Variants in RBFOX1 observed in about 807,000 individuals in gnomAD.
The protein encoded by RBFOX1 is RNA binding fox-1 homolog 1, also known as RNA binding protein fox-1 homolog 1.
In RBFOX1, 8 loss-of-function variants were observed where a neutral mutation model predicts 57.7. The ratio of observed to expected loss-of-function variants is 0.14; its 90% CI spans 0.08 to 0.25. RBFOX1 has a LOEUF of 0.25. RBFOX1 is among the 10% of genes least tolerant of loss of function. The pLI is 1.00. For synonymous variants in RBFOX1, 326 were observed against 222.4 expected (o/e 1.47, Z -4.15); for missense variants, 611 against 548.5 (o/e 1.11, Z -1.14).
intron 13 of RBFOX1, among the ~76,000 whole-genome samples, chr16:7,667,381 C>T (rs1164347074): frequency 2.0e-5 from 3 of 152,172 alleles, no homozygotes; most frequent in Non-Finnish European, 4.4e-5. Context: ...GAACAAGATT[C>T]ATCCTAGCTA....
chr16:7,289,535 C>A (rs1394316013), intron 4 of RBFOX1, among the ~76,000 whole-genome samples: 1 of 152,052 alleles, frequency 6.6e-6, no homozygotes, highest in Non-Finnish European at 1.5e-5. Context: ...ACCATTATCA[C>A]CATCAGCATC....
intron 1 of RBFOX1, among the ~76,000 whole-genome samples, chr16:6,199,581 A>C (rs1276473312): frequency 1.3e-5 from 2 of 152,168 alleles, no homozygotes; most frequent in East Asian, 3.9e-4. Context: ...AAAGGTCTTT[A>C]ATCTGTTTAA....
chr16:7,344,906 G>A (rs1331671630), intron 4 of RBFOX1, among the ~76,000 whole-genome samples: 2 of 152,162 alleles, frequency 1.3e-5, no homozygotes, highest in Non-Finnish European at 1.5e-5. Context: ...AGGCTAATGC[G>A]ATATTGTGCC....
intron 4 of RBFOX1, among the ~76,000 whole-genome samples, chr16:7,327,471 T>C (rs1338492075): frequency 6.6e-6 from 1 of 152,234 alleles, no homozygotes; most frequent in African/African-American, 2.4e-5. Flanking sequence ...AATTACATAA[T>C]CTGCACAAAT....
intron 2 of RBFOX1, among the ~76,000 whole-genome samples, chr16:6,416,692 T>C (rs1166828454): frequency 6.6e-6 from 1 of 152,152 alleles, no homozygotes; most frequent in Admixed American, 6.5e-5. Flanking sequence ...TCCACGCCCA[T>C]GTTACTGCTG....
At chr16:6,617,626 A>T (rs34842390) in intron 2 of RBFOX1, among the ~76,000 whole-genome samples, 26,861 of 152,032 alleles carry the variant, frequency 0.18, 2,964 homozygotes, top group Middle Eastern at 0.24. Flanking sequence ...AATGCTTTGC[A>T]TGTGTTCCAG....
At chr16:5,332,500 G>A (rs767106016) in intron 1 of RBFOX1, among the ~76,000 whole-genome samples, 3 of 152,098 alleles carry the variant, frequency 2.0e-5, no homozygotes, top group Non-Finnish European at 4.4e-5. Context: ...CTGGCCTCAT[G>A]TGATCTGCCT....
At chr16:7,155,712 A>AATATATAT (rs1186735495) in intron 4 of RBFOX1, among the ~76,000 whole-genome samples, 13 of 77,396 alleles carry the variant, frequency 1.7e-4, no homozygotes, top group African/African-American at 6.7e-4. Context: ...AAAAAAAAAA[A>AATATATAT]ATATATATAT....
chr16:6,879,350 T>C (rs1051905681), intron 3 of RBFOX1, among the ~76,000 whole-genome samples: 1 of 152,214 alleles, frequency 6.6e-6, no homozygotes, highest in Non-Finnish European at 1.5e-5. Flanking sequence ...CTGTCTCCTA[T>C]CTTTCCTAAT....
intron 4 of RBFOX1, among the ~76,000 whole-genome samples, chr16:7,280,302 G>A (rs1483845417): frequency 6.6e-6 from 1 of 152,186 alleles, no homozygotes; most frequent in South Asian, 2.1e-4. Context: ...TGGGTGTTCT[G>A]CCTTCCAGAA....
At chr16:6,490,969 T>C (rs1382423888) in intron 2 of RBFOX1, among the ~76,000 whole-genome samples, 1 of 152,108 alleles carries the variant, frequency 6.6e-6, no homozygotes, top group East Asian at 1.9e-4. Flanking sequence ...GTTCAGGAAA[T>C]GGTTTAAAAT....
At chr16:7,161,554 T>C (rs78625341) in intron 4 of RBFOX1, among the ~76,000 whole-genome samples, 1,539 of 152,294 alleles carry the variant, frequency 0.01, 27 homozygotes, top group African/African-American at 0.035. Flanking sequence ...TACATGTCAG[T>C]GAAGTCCTTT....
At chr16:6,842,399 A>G (rs532070566) in intron 3 of RBFOX1, among the ~76,000 whole-genome samples, 15 of 152,168 alleles carry the variant, frequency 9.9e-5, no homozygotes, top group African/African-American at 1.4e-4. Flanking sequence ...ATTTAATCCA[A>G]CTACTTGGAG....
intron 1 of RBFOX1, among the ~76,000 whole-genome samples, chr16:5,371,674 T>TC (rs1359878385): frequency 6.6e-6 from 1 of 152,236 alleles, no homozygotes; most frequent in Non-Finnish European, 1.5e-5. Flanking sequence ...CTTCTCTTTT[T>TC]CCCACATTTT....
intron 3 of RBFOX1, among the ~76,000 whole-genome samples, chr16:5,810,260 G>C (rs1266003897): frequency 6.6e-6 from 1 of 151,934 alleles, no homozygotes; most frequent in East Asian, 1.9e-4. Flanking sequence ...CACCAGAATG[G>C]CACATGTATA....
At position 7,120,681 on chromosome 16, in the gene RBFOX1, C is replaced by T. The variant is rs189881863; in HGVS notation, c.27+68583C>T. ...TGGTTTCATTGGCTATTCCACCAAA[C>T]ATTTAATGTTGGGAAAAAAAAAAAA... is the stretch of plus-strand genomic sequence containing the variant. On this transcript the variant is annotated intron_variant, in intron 4 of 15. Coordinates refer to ENST00000550418, the MANE Select transcript of RBFOX1 (RefSeq NM_018723.4). 8.2e-5 allele frequency among the ~76,000 whole-genome samples: 11 copies of T among 134,664 alleles called. 1 individual carries two copies. The East Asian group carries it at 1.9e-3, about 24-fold the overall frequency. 88.3% of individuals were successfully genotyped at this position (134,664 alleles called of 152,430 possible).
At chr16:5,809,320 A>G (rs558942873) in intron 3 of RBFOX1, among the ~76,000 whole-genome samples, 1 of 152,352 alleles carries the variant, frequency 6.6e-6, no homozygotes, top group South Asian at 2.1e-4. Context: ...AAAATTGACA[A>G]ATGGGATCTA....
At chr16:6,907,378 C>T (rs568980896) in intron 3 of RBFOX1, among the ~76,000 whole-genome samples, 3 of 152,252 alleles carry the variant, frequency 2.0e-5, no homozygotes, top group Middle Eastern at 3.4e-3. Flanking sequence ...TGGCGGTATC[C>T]ATGTATTGGT....
At position 5,425,393 on chromosome 16, in the gene RBFOX1, C is replaced by T. The variant is rs141437174; in HGVS notation, c.220-41823C>T. 1.4e-4 allele frequency among the ~76,000 whole-genome samples: 21 copies of T among 152,174 alleles called. No homozygotes were observed. The East Asian group carries it at 3.9e-3, about 28-fold the overall frequency. On this transcript the variant is annotated intron_variant, in intron 1 of 2. Coordinates refer to the RBFOX1 transcript ENST00000585867. ...CGCTGGGATTACAGGCATGAGCCAC[C>T]GCGCCCGGCCAGCATGTGTGTTTTC...
Sources: gnomAD v4.1 joint callset for allele counts (sites outside exome capture counted in the v4.1 genomes callset) on GRCh38, gnomAD v4.1.1 for gene constraint, MANE v1.5 for transcripts, NCBI Gene and HGNC (gene_info 2026-07-23, HGNC 2026-07-21) for gene names.